The following SSH2 variants were observed in gnomAD, a reference collection of about 807,000 sequenced individuals.
SSH2 encodes the protein slingshot protein phosphatase 2, also known as protein phosphatase Slingshot homolog 2.
SSH2 carries 37 observed loss-of-function variants against 135.2 expected under a neutral mutation model. That is an observed-to-expected ratio of 0.27 (90% CI 0.21 to 0.36). The LOEUF (loss-of-function observed/expected upper bound fraction) is 0.36, where lower values mean the gene tolerates loss of function less well. SSH2 is among the 10% of genes least tolerant of loss of function. The pLI, the probability that SSH2 is intolerant of heterozygous loss-of-function variation, is 1.00. For missense variants in SSH2, 1,408 were observed against 1,765.3 expected (o/e 0.80, Z 3.63); for synonymous variants, 628 against 646.2 (o/e 0.97, Z 0.43).
chr17:29,808,989 C>T (rs548586271), intron 2 of SSH2, among the ~76,000 whole-genome samples: 2 of 152,292 alleles, frequency 1.3e-5, no homozygotes, highest in African/African-American at 4.8e-5. Context: ...AATGGTGGCT[C>T]ATGTCTGTAA....
chr17:29,652,490 C>T (rs2036617951), intron 12 of SSH2, among the ~76,000 whole-genome samples: 1 of 151,664 alleles, frequency 6.6e-6, no homozygotes. Context: ...TATGAATATA[C>T]TAAAAACCAA....
chr17:29,746,948 T>C (rs1283243408), intron 3 of SSH2, among the ~76,000 whole-genome samples: 1 of 152,202 alleles, frequency 6.6e-6, no homozygotes, highest in Non-Finnish European at 1.5e-5. Context: ...AGCATAAACT[T>C]TTCCGCAGTC....
intron 14 of SSH2, chr17:29,643,289 A>G (rs185515238): frequency 1.0e-6 from 1 of 985,288 alleles, no homozygotes; most frequent in Admixed American, 6.1e-5. Context: ...GCAGACCCTA[A>G]CAGCTATATA....
At chr17:29,721,394 C>T (rs2039819405) in intron 3 of SSH2, among the ~76,000 whole-genome samples, 1 of 152,120 alleles carries the variant, frequency 6.6e-6, no homozygotes, top group Non-Finnish European at 1.5e-5. Flanking sequence ...CTATAATCTA[C>T]CCCAGTGGCA....
At chr17:29,674,254 AAAAC>A (rs1333815784) in intron 8 of SSH2, 1 of 448,254 alleles carries the variant, frequency 2.2e-6, no homozygotes, top group Non-Finnish European at 4.5e-6. Flanking sequence ...TTTTTCCTTA[AAAAC>A]AAAGTTGCAG....
chr17:29,826,215 C>T (rs114902380), intron 2 of SSH2, among the ~76,000 whole-genome samples: 81 of 152,300 alleles, frequency 5.3e-4, no homozygotes, highest in African/African-American at 1.9e-3. Flanking sequence ...ATGTTGTTCT[C>T]TCTCATCTTG....
At chr17:29,681,115 C>A (rs559517442) in intron 6 of SSH2, among the ~76,000 whole-genome samples, 1 of 151,600 alleles carries the variant, frequency 6.6e-6, no homozygotes, top group South Asian at 2.1e-4. Flanking sequence ...CAGAGGCGGG[C>A]GGATCACGAG....
rs1301129429 is a variant in SSH2, at chr17:29,636,655, C to T, written c.1575G>A (p.Glu525=). The part of the protein sequence containing the change: ...ADQIAEVKTM[E]SHPPIPPVFV... ...AGACAGGAGGTATGGGTGGGTGACT[C>T]TCCATGGTCTTCACCTCAGCAATCT... The change falls in exon 15 of 16, where the codon GAG becomes GAA. Residue 525 remains glutamate (E), a synonymous_variant. Transcript: ENST00000540801. The T allele has an allele frequency of 2.5e-6, 4 of 1,614,020 alleles. No individual in the cohort carries two copies. The highest frequency in any genetic ancestry group is 3.4e-6 in the Non-Finnish European group (4 of 1,180,028).
At chr17:29,748,285 T>A (rs550116914) in intron 3 of SSH2, among the ~76,000 whole-genome samples, 1 of 152,076 alleles carries the variant, frequency 6.6e-6, no homozygotes, top group South Asian at 2.1e-4. Context: ...AAAACACAAA[T>A]GCATCTTTAT....
At chr17:29,725,866 G>A (rs1029646974) in intron 3 of SSH2, among the ~76,000 whole-genome samples, 5 of 152,074 alleles carry the variant, frequency 3.3e-5, no homozygotes, top group African/African-American at 1.2e-4. Flanking sequence ...GTATACCTAT[G>A]TAAGAAACCT....
At chr17:29,867,364 T>C (rs1271022202) in intron 1 of SSH2, among the ~76,000 whole-genome samples, 1 of 152,194 alleles carries the variant, frequency 6.6e-6, no homozygotes, top group African/African-American at 2.4e-5. Flanking sequence ...GAGCTATCTG[T>C]GGTTTAAATA....
intron 2 of SSH2, among the ~76,000 whole-genome samples, chr17:29,814,464 A>G (rs2042518708): frequency 6.7e-6 from 1 of 148,966 alleles, no homozygotes; most frequent in South Asian, 2.1e-4. Flanking sequence ...AAAGAAAGTC[A>G]TTTAAGATAA....
chr17:29,627,212 A>T lies in SSH2; in HGVS notation c.*3629T>A, dbSNP rs2035526164. 1 of 152,642 alleles carries T rather than the reference A, an allele frequency of 6.6e-6. No homozygotes were observed. Among genetic ancestry groups the T allele is most frequent in the South Asian group, 2.1e-4 (1 of 4,836 alleles). The allele number at this position is 152,642 out of a possible 1,614,324, so 9.5% of individuals were successfully genotyped here. On this transcript the variant is annotated 3_prime_UTR_variant, in exon 16 of 16. Transcript: ENST00000540801. ...ACAAAGTATCCACAAATAGTCCAAA[A>T]AAGCCAAAGAATGGCTTTACTTAAA...
At chr17:29,675,060 A>C (rs1416381037) in intron 8 of SSH2, among the ~76,000 whole-genome samples, 2 of 152,224 alleles carry the variant, frequency 1.3e-5, no homozygotes, top group East Asian at 3.8e-4. Flanking sequence ...CTTGTTACTT[A>C]GGAATAGATA....
intron 2 of SSH2, among the ~76,000 whole-genome samples, chr17:29,836,970 T>C (rs1322767177): frequency 6.6e-6 from 1 of 152,120 alleles, no homozygotes; most frequent in Non-Finnish European, 1.5e-5. Flanking sequence ...AAAATAGACA[T>C]CTTAGGCTGG....
At chr17:29,903,635 T>G (rs908708521) in intron 1 of SSH2, among the ~76,000 whole-genome samples, 2 of 152,196 alleles carry the variant, frequency 1.3e-5, no homozygotes, top group Non-Finnish European at 2.9e-5. Context: ...CCCAGTGCTA[T>G]GTATCAACCA....
chr17:29,852,836 C>T (rs1033350084), intron 1 of SSH2, among the ~76,000 whole-genome samples: 2 of 151,854 alleles, frequency 1.3e-5, no homozygotes, highest in Non-Finnish European at 2.9e-5. Context: ...AGGCGTGAGC[C>T]ACCATGCCCA....
intron 1 of SSH2, chr17:29,928,604 A>G (rs1177582225): frequency 2.5e-6 from 1 of 398,452 alleles, no homozygotes; most frequent in African/African-American, 2.1e-5. Context: ...CACAAGATAT[A>G]TAACCTTTGA....
At chr17:29,914,386 C>G (rs147902181) in intron 1 of SSH2, among the ~76,000 whole-genome samples, 1 of 151,736 alleles carries the variant, frequency 6.6e-6, no homozygotes, top group Non-Finnish European at 1.5e-5. Flanking sequence ...ACAGCGAGAC[C>G]ATGTCTCTAA....
Sources: gnomAD v4.1 joint callset for allele counts (sites outside exome capture counted in the v4.1 genomes callset) on GRCh38, gnomAD v4.1.1 for gene constraint, MANE v1.5 for transcripts, NCBI Gene and HGNC (gene_info 2026-07-23, HGNC 2026-07-21) for gene names.